Variants in HSD17B11 observed in about 807,000 individuals in gnomAD.
HSD17B11 encodes the protein hydroxysteroid 17-beta dehydrogenase 11.
A neutral mutation model predicts 27.8 loss-of-function variants in HSD17B11; 22 were observed. The observed-to-expected ratio is 0.79, with a 90% confidence interval of 0.56 to 1.13. HSD17B11 has a LOEUF of 1.13. Ranked by LOEUF, HSD17B11 falls within the 50% of genes most tolerant of loss-of-function variation. The pLI is 0.00. For missense variants in HSD17B11, 314 were observed against 351.1 expected, an observed-to-expected ratio of 0.89 and a Z score of 0.84; for synonymous variants, 117 against 132.8, an observed-to-expected ratio of 0.88 and a Z score of 0.82.
chr4:87,359,153 G>A (rs1735456971), intron 4 of HSD17B11, among the ~76,000 whole-genome samples: 1 of 152,144 alleles, frequency 6.6e-6, no homozygotes, highest in Admixed American at 6.5e-5. Flanking sequence ...AGAACTGTGA[G>A]TCAATTGAAC....
At chr4:87,371,886 A>C (rs758724091) in intron 4 of HSD17B11, among the ~76,000 whole-genome samples, 2 of 152,052 alleles carry the variant, frequency 1.3e-5, no homozygotes, top group Non-Finnish European at 2.9e-5. Context: ...GAAGTGTACA[A>C]ACCCCTTGTG....
intron 2 of HSD17B11, among the ~76,000 whole-genome samples, chr4:87,378,682 C>T (rs2110128381): frequency 6.8e-6 from 1 of 148,052 alleles, no homozygotes; most frequent in South Asian, 2.1e-4. Context: ...CACCTCTACC[C>T]TTCCCAGCCT....
intron 1 of HSD17B11, among the ~76,000 whole-genome samples, chr4:87,390,167 G>GT (rs1010362580): frequency 6.6e-6 from 1 of 152,064 alleles, no homozygotes; most frequent in African/African-American, 2.4e-5. Flanking sequence ...CTTTTTGTTT[G>GT]TTTTTTGAGA....
rs371513950 is a variant in HSD17B11, at chr4:87,381,556, G to A, written c.318+699C>T. ...GTGGATCCCCTGAGCTCAGGAGTTC[G>A]AGATCAGCCTGGGCAACATGGTGAG... On this transcript the variant is annotated intron_variant, in intron 2 of 6. Transcript: ENST00000358290. Among the ~76,000 whole-genome samples, 7 of 151,908 alleles carry A rather than the reference G, an allele frequency of 4.6e-5. No homozygotes were observed. The East Asian group carries it at 7.8e-4, about 17-fold the overall frequency.
intron 5 of HSD17B11, among the ~76,000 whole-genome samples, chr4:87,347,123 T>C (rs1210050391): frequency 2.8e-4 from 24 of 87,158 alleles, no homozygotes; most frequent in South Asian, 8.8e-4. Flanking sequence ...TTTCTTTTTT[T>C]TTTTTTTTTT....
In HSD17B11 at chr4:87,344,640, A is replaced by C. The variant is rs1409064578; in HGVS notation, c.696-4034T>G. ...AAATAGAAGACTTGAATAACACTAT[A>C]AATCAACTATACCTAACAGATGCCT... On this transcript the variant is annotated intron_variant, in intron 5 of 6. Coordinates refer to ENST00000358290, the MANE Select transcript of HSD17B11 (RefSeq NM_016245.5). Among the ~76,000 whole-genome samples, 3 of 152,198 alleles carry C rather than the reference A, an allele frequency of 2.0e-5. No individual in the cohort carries two copies. The East Asian group carries it at 5.8e-4, about 29-fold the overall frequency.
intron 5 of HSD17B11, among the ~76,000 whole-genome samples, chr4:87,345,457 T>C (rs373290332): frequency 8.0e-5 from 12 of 150,904 alleles, no homozygotes; most frequent in South Asian, 2.1e-4. Context: ...AAAAAAAAGA[T>C]TGAAGCACAA....
At chr4:87,361,992 T>C (rs893244338) in intron 4 of HSD17B11, among the ~76,000 whole-genome samples, 2 of 152,114 alleles carry the variant, frequency 1.3e-5, no homozygotes, top group Non-Finnish European at 2.9e-5. Flanking sequence ...AGAGTTACAA[T>C]ACTGAAGAGA....
At chr4:87,343,308 T>G (rs542418499) in intron 5 of HSD17B11, among the ~76,000 whole-genome samples, 21 of 152,316 alleles carry the variant, frequency 1.4e-4, no homozygotes, top group Non-Finnish European at 2.9e-4. Context: ...GAAACATTTT[T>G]TTTCCCAATA....
intron 4 of HSD17B11, among the ~76,000 whole-genome samples, chr4:87,368,824 C>T (rs1735656224): frequency 6.6e-6 from 1 of 152,176 alleles, no homozygotes. Flanking sequence ...TTACAAATGC[C>T]ATGGCAATGG....
intron 5 of HSD17B11, among the ~76,000 whole-genome samples, chr4:87,355,550 T>C (rs1333050907): frequency 6.6e-6 from 1 of 151,874 alleles, no homozygotes; most frequent in East Asian, 1.9e-4. Context: ...GCAACAGATG[T>C]GATATATAAA....
At chr4:87,373,351 G>T (rs1735757797) in intron 3 of HSD17B11, 2 of 150,346 alleles carry the variant, frequency 1.3e-5, no homozygotes, top group South Asian at 4.2e-4. Flanking sequence ...AAAAAAAATT[G>T]CTAAATTTTT....
intron 2 of HSD17B11, among the ~76,000 whole-genome samples, chr4:87,376,588 T>C (rs1735831055): frequency 6.6e-6 from 1 of 150,376 alleles, no homozygotes; most frequent in South Asian, 2.1e-4. Flanking sequence ...AAAATACATA[T>C]GTGTGTTTTT....
Position 87,337,023 on chromosome 4 carries a change from A to C in HSD17B11, c.*253T>G. The C allele has an allele frequency of 2.8e-6, 1 of 363,098 alleles. No homozygotes were observed. Among genetic ancestry groups the C allele is most frequent in the Non-Finnish European group, 4.9e-6 (1 of 205,402 alleles). The allele number at this position is 363,098 out of a possible 1,614,324, so 22.5% of individuals were successfully genotyped here. A position where few individuals can be genotyped will look rare whatever the true frequency, so the allele number is the denominator to read the frequency against. On this transcript the variant is annotated 3_prime_UTR_variant, in exon 7 of 7. Coordinates refer to ENST00000358290, the MANE Select transcript of HSD17B11 (RefSeq NM_016245.5). ...CACAAATAATCTTGGAAATTATTTT[A>C]ATAAAGTCATTTTGGTTCTTTTTCT...
chr4:87,379,896 C>A (rs1720087645), intron 2 of HSD17B11, among the ~76,000 whole-genome samples: 1 of 143,632 alleles, frequency 7.0e-6, no homozygotes, highest in African/African-American at 2.6e-5. Context: ...TACAGCACAT[C>A]TCATATATAC....
intron 4 of HSD17B11, among the ~76,000 whole-genome samples, chr4:87,358,213 G>A (rs183678351): frequency 6.6e-4 from 101 of 151,912 alleles, no homozygotes; most frequent in Non-Finnish European, 8.8e-4. Flanking sequence ...TGCCCACCTC[G>A]GCCTCCCAAA....
chr4:87,340,702 A>G (rs1479956971), intron 5 of HSD17B11, 96 bp from the exon 6 acceptor site: 3 of 731,410 alleles, frequency 4.1e-6, no homozygotes, highest in South Asian at 1.8e-5. Flanking sequence ...TACAGACACC[A>G]TAACATAACT....
At chr4:87,389,087 C>T (rs914416404) in intron 1 of HSD17B11, among the ~76,000 whole-genome samples, 2 of 152,082 alleles carry the variant, frequency 1.3e-5, no homozygotes, top group Non-Finnish European at 2.9e-5. Context: ...AGTAAGTTAC[C>T]CAATCAGAAA....
intron 4 of HSD17B11, among the ~76,000 whole-genome samples, chr4:87,363,601 T>C (rs1014503688): frequency 1.3e-5 from 2 of 152,210 alleles, no homozygotes; most frequent in African/African-American, 2.4e-5. Flanking sequence ...GGCAGTACCT[T>C]CTCTTGGGCT....
Sources: gnomAD v4.1 joint callset for allele counts (sites outside exome capture counted in the v4.1 genomes callset) on GRCh38, gnomAD v4.1.1 for gene constraint, MANE v1.5 for transcripts, NCBI Gene and HGNC (gene_info 2026-07-23, HGNC 2026-07-21) for gene names.